The following RASGRF2 variants were observed in gnomAD, a reference collection of about 807,000 sequenced individuals.
RASGRF2 encodes Ras protein specific guanine nucleotide releasing factor 2.
In RASGRF2, 76 loss-of-function variants were observed where a neutral mutation model predicts 151.0. The observed-to-expected ratio is 0.50, with a 90% CI of 0.42 to 0.61. The LOEUF is 0.61. Ranked by LOEUF, RASGRF2 falls within the 20% of genes least tolerant of loss-of-function variation. The probability of loss-of-function intolerance (pLI) is 0.00; values close to 1 mark genes in which losing one functional copy is unlikely to be tolerated. For synonymous variants in RASGRF2, 504 were observed against 566.5 expected (o/e 0.89, Z 1.57); for missense variants, 1,148 against 1,564.6 (o/e 0.73, Z 4.49).
At chr5:81,146,845 T>C (rs1333960410) in intron 17 of RASGRF2, among the ~76,000 whole-genome samples, 1 of 152,216 alleles carries the variant, frequency 6.6e-6, no homozygotes, top group Non-Finnish European at 1.5e-5. Context: ...GTGTTATTCT[T>C]TCCCACTCTG....
intron 18 of RASGRF2, among the ~76,000 whole-genome samples, chr5:81,195,648 A>G (rs1755249062): frequency 6.6e-6 from 1 of 151,732 alleles, no homozygotes; most frequent in Non-Finnish European, 1.5e-5. Context: ...CCGGGCCAGC[A>G]GCATCAGCAT....
intron 17 of RASGRF2, among the ~76,000 whole-genome samples, chr5:81,160,569 G>A (rs1754358301): frequency 6.6e-6 from 1 of 151,874 alleles, no homozygotes; most frequent in South Asian, 2.1e-4. Context: ...CTACTCAGGA[G>A]GCTGAGGCAG....
chr5:81,031,707 A>C (rs921714507), intron 1 of RASGRF2, among the ~76,000 whole-genome samples: 1 of 152,246 alleles, frequency 6.6e-6, no homozygotes, highest in Non-Finnish European at 1.5e-5. Context: ...GGAAAGATCT[A>C]AAATTGACAC....
At chr5:81,111,782 C>T (rs563397339) in intron 13 of RASGRF2, among the ~76,000 whole-genome samples, 2 of 151,970 alleles carry the variant, frequency 1.3e-5, no homozygotes, top group African/African-American at 2.4e-5. Flanking sequence ...AGCAAAATAC[C>T]TAACCCTATA....
intron 1 of RASGRF2, among the ~76,000 whole-genome samples, chr5:80,977,356 G>GATAATTTCTACCTAATAAAAA (rs1748152929): frequency 6.6e-6 from 1 of 152,138 alleles, no homozygotes; most frequent in Non-Finnish European, 1.5e-5. Context: ...AAATAGGCAT[G>GATAATTTCTACCTAATAAAAA]ATAATTTCTA....
At chr5:81,032,382 A>C (rs1750291755) in intron 1 of RASGRF2, among the ~76,000 whole-genome samples, 1 of 152,242 alleles carries the variant, frequency 6.6e-6, no homozygotes, top group South Asian at 2.1e-4. Flanking sequence ...ATGAACATCG[A>C]TGTAAAAATC....
At chr5:81,171,634 T>A (rs115081429) in intron 17 of RASGRF2, among the ~76,000 whole-genome samples, 4,770 of 152,176 alleles carry the variant, frequency 0.031, 233 homozygotes, top group African/African-American at 0.11. Context: ...CCTTTCTGAG[T>A]AATATGGATT....
At chr5:81,177,716 C>T (rs114859703) in intron 17 of RASGRF2, among the ~76,000 whole-genome samples, 3,818 of 151,636 alleles carry the variant, frequency 0.025, 58 homozygotes, top group Middle Eastern at 0.034. Flanking sequence ...TGTGTGGTGC[C>T]GTGAGATATG....
chr5:81,069,347 A>G (rs1751706189), intron 3 of RASGRF2, among the ~76,000 whole-genome samples: 2 of 152,244 alleles, frequency 1.3e-5, no homozygotes, highest in African/African-American at 4.8e-5. Context: ...ATATAGTGAA[A>G]ACAGCAACAG....
At chr5:81,127,020 A>G in intron 16 of RASGRF2, 54 bp from the exon 17 acceptor site, 2 of 1,564,332 alleles carry the variant, frequency 1.3e-6, no homozygotes, top group Non-Finnish European at 1.8e-6. Context: ...TTTTTGTTAC[A>G]GAATATTATC....
intron 9 of RASGRF2, among the ~76,000 whole-genome samples, chr5:81,092,308 A>G (rs1054962923): frequency 2.4e-5 from 3 of 125,090 alleles, no homozygotes; most frequent in African/African-American, 8.0e-5. Flanking sequence ...TATTTTTATA[A>G]TATACATGTA....
intron 19 of RASGRF2, among the ~76,000 whole-genome samples, chr5:81,205,612 T>A (rs1755488333): frequency 6.6e-6 from 1 of 152,222 alleles, no homozygotes; most frequent in Non-Finnish European, 1.5e-5. Context: ...CATCACATCA[T>A]CATTACTTCT....
At chr5:81,075,749 G>A (rs1467780146) in intron 5 of RASGRF2, among the ~76,000 whole-genome samples, 2 of 152,202 alleles carry the variant, frequency 1.3e-5, no homozygotes, top group Non-Finnish European at 2.9e-5. Flanking sequence ...CCATCTAAGT[G>A]GAGATGTCAA....
At chr5:80,978,025 C>G (rs1379225514) in intron 1 of RASGRF2, among the ~76,000 whole-genome samples, 2 of 151,982 alleles carry the variant, frequency 1.3e-5, no homozygotes, top group Non-Finnish European at 2.9e-5. Flanking sequence ...GAAACTATTC[C>G]CTTAGAGGAT....
At chr5:81,126,520 A>G (rs577379142) in intron 16 of RASGRF2, among the ~76,000 whole-genome samples, 11 of 152,098 alleles carry the variant, frequency 7.2e-5, no homozygotes, top group Non-Finnish European at 1.6e-4. Context: ...AAACCCTATA[A>G]ATATCAGCCA....
intron 1 of RASGRF2, among the ~76,000 whole-genome samples, chr5:81,023,550 T>C (rs951572690): frequency 1.3e-5 from 2 of 149,632 alleles, no homozygotes; most frequent in Non-Finnish European, 3.0e-5. Context: ...TGCAGGCACA[T>C]GCAGAGGCAG....
At chr5:81,210,971 C>A (rs540942330) in intron 22 of RASGRF2, among the ~76,000 whole-genome samples, 2 of 152,108 alleles carry the variant, frequency 1.3e-5, no homozygotes, top group East Asian at 3.9e-4. Flanking sequence ...CATAGTGAGA[C>A]CCTGTCTTTA....
chr5:81,045,946 C>T (rs1750821634), intron 2 of RASGRF2, among the ~76,000 whole-genome samples: 1 of 152,134 alleles, frequency 6.6e-6, no homozygotes, highest in South Asian at 2.1e-4. Flanking sequence ...TAATAAAACA[C>T]AATTAATTAA....
Position 80,990,249 on chromosome 5 carries a change from C to T in RASGRF2, c.288+29223C>T, listed in dbSNP as rs184548240. 5.5e-3 allele frequency among the ~76,000 whole-genome samples: 833 copies of T among 150,194 alleles called. 4 individuals are homozygous for T. The highest frequency in any genetic ancestry group is 0.028 in the South Asian group (133 of 4,754). On this transcript the variant is annotated intron_variant, in intron 1 of 26. Transcript: ENST00000265080. ...TTTTTTTTTATTTTCTTTTTCTGCT[C>T]ACTGGAGCATCATTGATTAAACTGC...
Sources: gnomAD v4.1 joint callset for allele counts (sites outside exome capture counted in the v4.1 genomes callset) on GRCh38, gnomAD v4.1.1 for gene constraint, MANE v1.5 for transcripts, NCBI Gene and HGNC (gene_info 2026-07-23, HGNC 2026-07-21) for gene names.